Variants in ADAMTS20 observed in about 807,000 individuals in gnomAD.
ADAMTS20 encodes ADAM metallopeptidase with thrombospondin type 1 motif 20.
ADAMTS20 carries 225 observed loss-of-function variants against 260.1 expected under a neutral mutation model. The ratio of observed to expected loss-of-function variants is 0.87; its 90% CI spans 0.78 to 0.97. The LOEUF is 0.97. Ranked by LOEUF, ADAMTS20 falls within the 50% of genes least tolerant of loss-of-function variation. The probability of loss-of-function intolerance (pLI) is 0.00; values close to 1 mark genes in which losing one functional copy is unlikely to be tolerated. For synonymous variants in ADAMTS20, 802 were observed against 769.5 expected, an observed-to-expected ratio of 1.04 and a Z score of -0.70; for missense variants, 2,400 against 2,337.7, an observed-to-expected ratio of 1.03 and a Z score of -0.55.
At chr12:43,389,046 T>C (rs1007851874) in intron 29 of ADAMTS20, among the ~76,000 whole-genome samples, 3 of 152,174 alleles carry the variant, frequency 2.0e-5, no homozygotes, top group South Asian at 2.1e-4. Context: ...AACACAACCA[T>C]TCAGATCATC....
chr12:43,492,394 A>C, intron 6 of ADAMTS20, 111 bp downstream of exon 6: 3 of 1,322,888 alleles, frequency 2.3e-6, no homozygotes, highest in Non-Finnish European at 3.1e-6. Context: ...AAAAAAGAAA[A>C]AGAAAAAGAA....
At chr12:43,470,645 A>C (rs1006956659) in intron 7 of ADAMTS20, among the ~76,000 whole-genome samples, 1 of 152,242 alleles carries the variant, frequency 6.6e-6, no homozygotes, top group Non-Finnish European at 1.5e-5. Context: ...AAGAAGCTGC[A>C]TACAGCCACC....
At chr12:43,411,065 C>T (rs990340887) in intron 28 of ADAMTS20, among the ~76,000 whole-genome samples, 8 of 152,064 alleles carry the variant, frequency 5.3e-5, no homozygotes, top group Non-Finnish European at 1.0e-4. Flanking sequence ...TCAAGAATCA[C>T]AATAATTTAA....
At chr12:43,448,087 G>A (rs1423884655) in intron 14 of ADAMTS20, among the ~76,000 whole-genome samples, 1 of 152,130 alleles carries the variant, frequency 6.6e-6, no homozygotes, top group Admixed American at 6.5e-5. Flanking sequence ...CACATCCAAT[G>A]CCATTTCTAT....
intron 6 of ADAMTS20, among the ~76,000 whole-genome samples, chr12:43,491,176 G>T (rs529474886): frequency 3.9e-5 from 6 of 152,116 alleles, no homozygotes; most frequent in African/African-American, 1.2e-4. Context: ...TGTTTAGATA[G>T]GTTTAGATAC....
At chr12:43,443,015 T>C (rs1333252611) in intron 16 of ADAMTS20, among the ~76,000 whole-genome samples, 1 of 152,182 alleles carries the variant, frequency 6.6e-6, no homozygotes, top group Non-Finnish European at 1.5e-5. Context: ...TCATTATAGA[T>C]TCAGATTGCC....
chr12:43,433,700 AC>A (rs1941493446), intron 19 of ADAMTS20: 2 of 287,404 alleles, frequency 7.0e-6, no homozygotes, highest in Non-Finnish European at 1.3e-5. Context: ...ACATGCACAC[AC>A]AAACACACAC....
At chr12:43,366,361 G>A (rs1301141921) in intron 37 of ADAMTS20, among the ~76,000 whole-genome samples, 1 of 151,824 alleles carries the variant, frequency 6.6e-6, no homozygotes, top group Non-Finnish European at 1.5e-5. Flanking sequence ...AGATTGAATT[G>A]AGAAACAGAC....
At chr12:43,443,953 G>A in intron 15 of ADAMTS20, 70 bp from the exon 16 acceptor site, 2 of 1,255,690 alleles carry the variant, frequency 1.6e-6, no homozygotes, top group Non-Finnish European at 2.3e-6. Context: ...ACTGCTGAAT[G>A]GATGAAAAAT....
intron 4 of ADAMTS20, among the ~76,000 whole-genome samples, chr12:43,498,344 C>T (rs1420742217): frequency 2.6e-5 from 4 of 152,158 alleles, no homozygotes; most frequent in South Asian, 2.1e-4. Flanking sequence ...TTGTTTACTT[C>T]GTGCAGGATG....
intron 28 of ADAMTS20, among the ~76,000 whole-genome samples, chr12:43,411,867 A>G (rs1469172457): frequency 6.6e-6 from 1 of 152,176 alleles, no homozygotes; most frequent in East Asian, 1.9e-4. Flanking sequence ...AAATTTTCAG[A>G]GCCTCAGAGT....
chr12:43,424,395 C>A (rs1173080553), intron 28 of ADAMTS20, among the ~76,000 whole-genome samples: 2 of 152,056 alleles, frequency 1.3e-5, no homozygotes, highest in Non-Finnish European at 2.9e-5. Flanking sequence ...TATTCCCAAA[C>A]CACTAACTCC....
intron 2 of ADAMTS20, among the ~76,000 whole-genome samples, chr12:43,539,886 AT>A (rs11437185): frequency 0.15 from 21,755 of 146,424 alleles, 1,875 homozygotes; most frequent in Admixed American, 0.22. Flanking sequence ...TTAACCATAG[AT>A]TTTTTTTTTT....
At chr12:43,478,612 CAA>C (rs1300023764) in intron 7 of ADAMTS20, among the ~76,000 whole-genome samples, 2 of 152,076 alleles carry the variant, frequency 1.3e-5, no homozygotes, top group South Asian at 2.1e-4. Flanking sequence ...ATATTCAAGA[CAA>C]AGAGAGGATC....
intron 37 of ADAMTS20, among the ~76,000 whole-genome samples, chr12:43,360,258 G>C (rs1398114552): frequency 6.6e-6 from 1 of 152,122 alleles, no homozygotes; most frequent in Non-Finnish European, 1.5e-5. Context: ...AGACCAGCCT[G>C]GCCAACAGGG....
rs552271241 is a variant in ADAMTS20, at chr12:43,422,721, T to C, written c.4284+2793A>G. ...GCAAAGAGTGAATTATTCAATGAAT[T>C]CCTTTTGGGATATACATGTAATAAC... On this transcript the variant is annotated intron_variant, in intron 28 of 38. Coordinates refer to ENST00000389420, the MANE Select transcript of ADAMTS20 (RefSeq NM_025003.5). 3.9e-5 allele frequency: 6 copies of C among 152,186 alleles called. No individual in the cohort carries two copies. In the South Asian group the frequency reaches 1.2e-3, roughly 32 times the overall value. 9.4% of individuals were successfully genotyped at this position (152,186 alleles called of 1,614,324 possible).
rs1565684968 is a variant in ADAMTS20, at chr12:43,409,624, A to AAAAAAAAC, written c.4285-10392_4285-10391insGTTTTTTT. ...CTCAAAAAAAAAAAAAAAAAAAAAA[A>AAAAAAAAC]AAAAAACAAGAAAATTAGAAGACCA... is the stretch of plus-strand genomic sequence containing the variant. On this transcript the variant is annotated intron_variant, in intron 28 of 38. Transcript: ENST00000389420. 1.6e-4 allele frequency among the ~76,000 whole-genome samples: 22 copies of AAAAAAAAC among 140,602 alleles called. 1 individual carries two copies. The highest frequency in any genetic ancestry group is 5.8e-4 in the African/African-American group (22 of 38,210). The allele number at this position is 140,602 out of a possible 152,430, so 92.2% of individuals were successfully genotyped here.
intron 4 of ADAMTS20, among the ~76,000 whole-genome samples, chr12:43,500,390 G>T (rs1942741350): frequency 6.6e-6 from 1 of 152,078 alleles, no homozygotes; most frequent in South Asian, 2.1e-4. Flanking sequence ...ATATCCCATT[G>T]TTCCATATAA....
At position 43,354,096 on chromosome 12, in the gene ADAMTS20, G is replaced by A. The variant is rs1939691436; in HGVS notation, c.*113C>T. On this transcript the variant is annotated 3_prime_UTR_variant, in exon 39 of 39. Coordinates refer to ENST00000389420, the MANE Select transcript of ADAMTS20 (RefSeq NM_025003.5). ...ATGAGCACCCTGAAAAAAAGGCAGAGACATATTGGACATGGAAATCTCGGG... is the reference window on the plus strand; with the variant it reads ...ATGAGCACCCTGAAAAAAAGGCAGAAACATATTGGACATGGAAATCTCGGG... The A allele has an allele frequency of 2.7e-6, 2 of 735,294 alleles. No individual in the cohort carries two copies. The highest frequency in any genetic ancestry group is 4.6e-5 in the South Asian group (2 of 43,812). The allele number at this position is 735,294 out of a possible 1,614,324, so 45.5% of individuals were successfully genotyped here.
Sources: gnomAD v4.1 joint callset for allele counts (sites outside exome capture counted in the v4.1 genomes callset) on GRCh38, gnomAD v4.1.1 for gene constraint, MANE v1.5 for transcripts, NCBI Gene and HGNC (gene_info 2026-07-23, HGNC 2026-07-21) for gene names.